The following LETMD1 variants were observed in gnomAD, a reference collection of about 807,000 sequenced individuals.
LETMD1 encodes the protein LETM1 domain-containing protein 1.
In LETMD1, 30 loss-of-function variants were observed where a neutral mutation model predicts 43.9. The ratio of observed to expected loss-of-function variants is 0.68; its 90% CI spans 0.51 to 0.93. The LOEUF (loss-of-function observed/expected upper bound fraction) is 0.93, where lower values mean the gene tolerates loss of function less well. Among genes scored for constraint, LETMD1 ranks in the 40% least tolerant of loss-of-function variants. The pLI is 0.00. For synonymous variants in LETMD1, 176 were observed against 163.1 expected, an observed-to-expected ratio of 1.08 and a Z score of -0.60; for missense variants, 413 against 447.7, an observed-to-expected ratio of 0.92 and a Z score of 0.70.
Position 51,058,227 on chromosome 12 carries a change from T to C in LETMD1, c.1012+99T>C, listed in dbSNP as rs1012705104. The C allele has an allele frequency of 1.2e-5, 9 of 751,886 alleles. No individual in the cohort carries two copies. In the African/African-American group the frequency reaches 1.2e-4, roughly 10 times the overall value. The allele number at this position is 751,886 out of a possible 1,614,324, so 46.6% of individuals were successfully genotyped here. On this transcript the variant is annotated intron_variant, in intron 8 of 8. Transcript: ENST00000262055. Reference sequence around the variant, plus strand: ...GTTAATTATTGAGTACTGTGAGACATATATATACATACATCTAATTGAAAG... The same window carrying C: ...GTTAATTATTGAGTACTGTGAGACACATATATACATACATCTAATTGAAAG...
chr12:51,051,188 G>T (rs1946000607), intron 2 of LETMD1, among the ~76,000 whole-genome samples: 1 of 149,324 alleles, frequency 6.7e-6, no homozygotes, highest in Middle Eastern at 4.0e-3. Context: ...GGCGGATCAT[G>T]AGGTCAGGAG....
chr12:51,055,216 A>T (rs1013264442), intron 4 of LETMD1, among the ~76,000 whole-genome samples: 14 of 152,160 alleles, frequency 9.2e-5, no homozygotes, highest in African/African-American at 3.4e-4. Context: ...CTCTCTCCAA[A>T]GCATGCTCTT....
Position 51,052,101 on chromosome 12 carries a change from T to C in LETMD1, c.284T>C (p.Met95Thr). 1.9e-6 allele frequency: 3 copies of C among 1,613,682 alleles called. No homozygotes were observed. Among genetic ancestry groups the C allele is most frequent in the Middle Eastern group, 1.7e-4 (1 of 6,060 alleles). ...TACTTTAATGAGGCAGGATTGCAGA[T>C]GTTATGGGCTGATGCCAAAAAGGCT... Reference protein sequence around the residue: ...LYTIFMKGLQMLWADAKKARR... With the variant: ...LYTIFMKGLQTLWADAKKARR... Residue 95 changes from methionine to threonine, a missense_variant, in exon 3 of 9, where the codon ATG becomes ACG. Met to Thr is a moderately conservative substitution (Grantham distance 81, BLOSUM62 -1). Transcript: ENST00000262055.
chr12:51,064,766 G>T, downstream of LETMD1: 1 of 1,113,100 alleles, frequency 9.0e-7, no homozygotes, highest in Non-Finnish European at 1.2e-6. Context: ...TGGGATTTGA[G>T]GTCTCCTTGT....
chr12:51,063,425 CAGAA>C (rs1436868426), downstream of LETMD1: 1 of 185,988 alleles, frequency 5.4e-6, no homozygotes, highest in Admixed American at 5.7e-5. Context: ...CTGGTCCCTA[CAGAA>C]AGAATAGCTG....
intron 3 of LETMD1, among the ~76,000 whole-genome samples, chr12:51,053,537 G>A (rs1946762899): frequency 6.6e-6 from 1 of 152,158 alleles, no homozygotes; most frequent in African/African-American, 2.4e-5. Flanking sequence ...CAGCTACTCG[G>A]GTGGCTGAGG....
At chr12:51,066,518 G>A in the LETMD1 span, among the ~76,000 whole-genome samples, 10 of 150,634 alleles carry the variant, frequency 6.6e-5, no homozygotes, top group Admixed American at 6.0e-4. Flanking sequence ...GTGCACACCT[G>A]TAATCCCAGC....
At chr12:51,064,742 G>A, downstream of LETMD1, 1 of 1,311,482 alleles carries the variant, frequency 7.6e-7, no homozygotes, top group Non-Finnish European at 1.0e-6. Context: ...GACATGAGCT[G>A]GCAAACAGGC....
chr12:51,064,273 C>T (rs377254873), downstream of LETMD1: 23 of 1,612,456 alleles, frequency 1.4e-5, no homozygotes, highest in Admixed American at 3.3e-5. Context: ...CACAGCTCTT[C>T]GGGGACAGCC....
intron 7 of LETMD1, 191 bp from the exon 8 acceptor site, chr12:51,057,841 G>A (rs540549199): frequency 6.4e-6 from 4 of 625,566 alleles, no homozygotes; most frequent in Admixed American, 2.3e-5. Context: ...TGGCCAGGCT[G>A]GTCTCCAACT....
chr12:51,055,686 AAAAAC>A, intron 4 of LETMD1, 144 bp from the exon 5 acceptor site: 1 of 450,742 alleles, frequency 2.2e-6, no homozygotes, highest in Non-Finnish European at 3.9e-6. Flanking sequence ...AAAAAAAAAA[AAAAAC>A]TGAAAAAGAA....
chr12:51,064,646 A>G (rs765689102), downstream of LETMD1: 3 of 1,530,184 alleles, frequency 2.0e-6, no homozygotes, highest in Admixed American at 2.1e-5. Flanking sequence ...GGGAGCAGCC[A>G]CATGGAAAGG....
chr12:51,052,278 T>C, intron 3 of LETMD1, 71 bp downstream of exon 3: 2 of 1,566,178 alleles, frequency 1.3e-6, no homozygotes, highest in Non-Finnish European at 8.7e-7. Context: ...CTCAAGGTTT[T>C]TTCTTTCATT....
chr12:51,050,380 A>G (rs1481316755), intron 2 of LETMD1, among the ~76,000 whole-genome samples: 1 of 151,226 alleles, frequency 6.6e-6, no homozygotes, highest in Non-Finnish European at 1.5e-5. Context: ...CTGCCACCAC[A>G]CCAGGCTAAT....
intron 4 of LETMD1, among the ~76,000 whole-genome samples, chr12:51,054,683 T>A (rs911626985): frequency 1.3e-5 from 2 of 152,152 alleles, no homozygotes; most frequent in African/African-American, 4.8e-5. Context: ...TCTGTCCTAT[T>A]GATTGAATCA....
downstream of LETMD1, chr12:51,063,867 G>C: frequency 3.7e-6 from 6 of 1,614,114 alleles, no homozygotes; most frequent in Non-Finnish European, 5.1e-6. Flanking sequence ...GCTTGAGGGG[G>C]ACCAGGAAGG....
chr12:51,063,667 C>A, downstream of LETMD1: 1 of 1,115,554 alleles, frequency 9.0e-7, no homozygotes, highest in African/African-American at 1.6e-5. Flanking sequence ...GCTGCTTCTA[C>A]AGTTTTGTTT....
At chr12:51,066,416 C>A in the LETMD1 span, among the ~76,000 whole-genome samples, 1 of 145,842 alleles carries the variant, frequency 6.9e-6, no homozygotes, top group Non-Finnish European at 1.5e-5. Context: ...TCACGCGCTA[C>A]GGCACTCCAG....
At chr12:51,055,109 A>AT (rs1201758654) in intron 4 of LETMD1, among the ~76,000 whole-genome samples, 1 of 152,038 alleles carries the variant, frequency 6.6e-6, no homozygotes. Flanking sequence ...CAAAAAAAAA[A>AT]CAACAAATCA....
Sources: gnomAD v4.1 joint callset for allele counts (sites outside exome capture counted in the v4.1 genomes callset) on GRCh38, gnomAD v4.1.1 for gene constraint, MANE v1.5 for transcripts, NCBI Gene and HGNC (gene_info 2026-07-23, HGNC 2026-07-21) for gene names.